LARS2: variants seen among roughly 807,000 people sequenced by gnomAD.
LARS2 encodes leucine--tRNA ligase, mitochondrial.
LARS2 carries 81 observed loss-of-function variants against 116.6 expected under a neutral mutation model. The observed-to-expected ratio is 0.69, with a 90% CI of 0.58 to 0.84. The LOEUF is 0.84. Among genes scored for constraint, LARS2 ranks in the 40% least tolerant of loss-of-function variants. The pLI is 0.00. For missense variants in LARS2, 968 were observed against 1,114.5 expected (o/e 0.87, Z 1.87); for synonymous variants, 396 against 407.2 (o/e 0.97, Z 0.33).
At chr3:45,478,562 G>C (rs1699651026) in intron 10 of LARS2, among the ~76,000 whole-genome samples, 1 of 152,126 alleles carries the variant, frequency 6.6e-6, no homozygotes, top group African/African-American at 2.4e-5. Context: ...TGAACACATG[G>C]ATATCGACAC....
intron 11 of LARS2, among the ~76,000 whole-genome samples, chr3:45,487,714 C>T (rs530681313): frequency 1.3e-5 from 2 of 152,024 alleles, no homozygotes; most frequent in African/African-American, 4.8e-5. Flanking sequence ...ACAAAGTCCA[C>T]AATGTCAGTA....
intron 9 of LARS2, 94 bp from the exon 10 acceptor site, chr3:45,476,374 A>G: frequency 7.6e-7 from 1 of 1,313,534 alleles, no homozygotes; most frequent in South Asian, 1.3e-5. Context: ...ACTGTTGGGG[A>G]ATGAGGAGGG....
At chr3:45,391,130 A>C (rs1371669593) in intron 1 of LARS2, among the ~76,000 whole-genome samples, 1 of 152,006 alleles carries the variant, frequency 6.6e-6, no homozygotes, top group African/African-American at 2.4e-5. Context: ...TTCCTTTGTG[A>C]ATTTTTTCAT....
At chr3:45,410,890 A>G (rs1449739949) in intron 4 of LARS2, among the ~76,000 whole-genome samples, 4 of 152,238 alleles carry the variant, frequency 2.6e-5, no homozygotes, top group Non-Finnish European at 5.9e-5. Context: ...AGTTGGACAC[A>G]GAACAGTTTC....
intron 7 of LARS2, among the ~76,000 whole-genome samples, chr3:45,447,556 G>C (rs996563704): frequency 1.3e-5 from 2 of 151,914 alleles, no homozygotes; most frequent in Non-Finnish European, 2.9e-5. Flanking sequence ...TGTGTCATAC[G>C]GTCACTTGCT....
intron 18 of LARS2, among the ~76,000 whole-genome samples, chr3:45,519,046 G>T (rs930752808): frequency 2.0e-5 from 3 of 152,144 alleles, no homozygotes; most frequent in African/African-American, 7.2e-5. Flanking sequence ...TCAGATAAAA[G>T]AATTAGGTTA....
At chr3:45,396,450 G>T (rs1325744286) in intron 3 of LARS2, among the ~76,000 whole-genome samples, 1 of 152,206 alleles carries the variant, frequency 6.6e-6, no homozygotes, top group Non-Finnish European at 1.5e-5. Context: ...AACTGAAGTG[G>T]TACATAAATA....
At chr3:45,408,610 C>G (rs1175318644) in intron 4 of LARS2, among the ~76,000 whole-genome samples, 1 of 152,212 alleles carries the variant, frequency 6.6e-6, no homozygotes, top group East Asian at 1.9e-4. Flanking sequence ...AAATTTCTCT[C>G]TCTCTCTCTC....
intron 18 of LARS2, among the ~76,000 whole-genome samples, chr3:45,518,547 C>T (rs1700406281): frequency 6.6e-6 from 1 of 152,120 alleles, no homozygotes; most frequent in African/African-American, 2.4e-5. Context: ...AGATATCTTG[C>T]CTAACGTCAC....
rs192166339 is a variant in LARS2 at position 45,401,217 on chromosome 3, T to C, written c.363+844T>C. Among the ~76,000 whole-genome samples the C allele has an allele frequency of 4.0e-3, 608 of 152,228 alleles. 7 individuals carry two copies. The highest frequency in any genetic ancestry group is 0.014 in the African/African-American group (575 of 41,542). On this transcript the variant is annotated intron_variant, in intron 4 of 21. Transcript: ENST00000645846. The stretch of plus-strand genomic sequence containing the variant: ...GGAAAGTGCCACTAAAGAAGGAACA[T>C]CTGGTCTGGGCACCTGGCTCATGCC...
chr3:45,504,195 C>T (rs530597972), intron 15 of LARS2, among the ~76,000 whole-genome samples: 6 of 151,808 alleles, frequency 4.0e-5, no homozygotes, highest in Admixed American at 6.6e-5. Context: ...CTTTATTATA[C>T]GCTTAGCAAA....
At chr3:45,541,421 G>C (rs1204316005) in intron 20 of LARS2, among the ~76,000 whole-genome samples, 1 of 152,156 alleles carries the variant, frequency 6.6e-6, no homozygotes, top group Non-Finnish European at 1.5e-5. Context: ...AACAGGTTGG[G>C]AGGCATTCTC....
chr3:45,491,838 T>C (rs1254331715), intron 13 of LARS2, 38 bp downstream of exon 13: 2 of 1,590,730 alleles, frequency 1.3e-6, no homozygotes, highest in Non-Finnish European at 1.7e-6. Context: ...ACTGTGCCTA[T>C]GGCCCCATAC....
intron 15 of LARS2, among the ~76,000 whole-genome samples, chr3:45,510,479 A>C (rs75347649): frequency 0.014 from 2,072 of 150,100 alleles, 36 homozygotes; most frequent in African/African-American, 0.048. Context: ...TAAATACACA[A>C]TAAAATGTAA....
chr3:45,515,175 CT>C (rs147518084), intron 16 of LARS2, among the ~76,000 whole-genome samples: 2,004 of 152,282 alleles, frequency 0.013, 30 homozygotes, highest in African/African-American at 0.046. Flanking sequence ...CCAGCCACTC[CT>C]TTTTTCTTCT....
chr3:45,415,897 A>AGGGG (rs1559461425), intron 4 of LARS2, among the ~76,000 whole-genome samples: 31 of 102,138 alleles, frequency 3.0e-4, no homozygotes, highest in African/African-American at 1.1e-3. Flanking sequence ...AGAGAGGGAG[A>AGGGG]GAGAGAGAGA....
At chr3:45,486,386 C>G (rs960155632) in intron 11 of LARS2, among the ~76,000 whole-genome samples, 3 of 152,200 alleles carry the variant, frequency 2.0e-5, no homozygotes, top group African/African-American at 7.2e-5. Context: ...GCATTCTAAA[C>G]TATCGTCATG....
At chr3:45,418,755 G>A (rs1470777626) in intron 5 of LARS2, among the ~76,000 whole-genome samples, 1 of 152,238 alleles carries the variant, frequency 6.6e-6, no homozygotes, top group Non-Finnish European at 1.5e-5. Context: ...CTCTCTACTG[G>A]TGAATAGCAG....
chr3:45,441,897 A>G (rs1698918599), intron 6 of LARS2, among the ~76,000 whole-genome samples: 2 of 152,126 alleles, frequency 1.3e-5, no homozygotes, highest in Admixed American at 1.3e-4. Context: ...AAATATTTTT[A>G]ATGCTAAAAA....
Sources: gnomAD v4.1 joint callset for allele counts (sites outside exome capture counted in the v4.1 genomes callset) on GRCh38, gnomAD v4.1.1 for gene constraint, MANE v1.5 for transcripts, NCBI Gene and HGNC (gene_info 2026-07-23, HGNC 2026-07-21) for gene names.